TTC6: variants seen among roughly 807,000 people sequenced by gnomAD.
TTC6 encodes tetratricopeptide repeat domain 6.
Under a neutral mutation model 210.4 loss-of-function variants are expected in TTC6, and 172 were observed. That is an observed-to-expected ratio of 0.82 (90% confidence interval 0.72 to 0.93). The LOEUF is 0.93. TTC6 is among the 40% of genes least tolerant of loss of function. The pLI, the probability that TTC6 is intolerant of heterozygous loss-of-function variation, is 0.00. For missense variants in TTC6, 2,414 were observed against 2,318.1 expected, an observed-to-expected ratio of 1.04 and a Z score of -0.85; for synonymous variants, 804 against 819.6, an observed-to-expected ratio of 0.98 and a Z score of 0.32.
intron 1 of TTC6, among the ~76,000 whole-genome samples, chr14:37,651,425 ATTTTTTTTTTTTTTT>A (rs55775703): frequency 1.3e-3 from 31 of 23,906 alleles, no homozygotes; most frequent in African/African-American, 2.8e-3. Flanking sequence ...ATATATATAT[ATTTTTTTTTTTTTTT>A]TTTTTTTTTT....
chr14:37,725,748 A>C (rs991882829), intron 7 of TTC6, among the ~76,000 whole-genome samples: 1 of 152,148 alleles, frequency 6.6e-6, no homozygotes, highest in Non-Finnish European at 1.5e-5. Flanking sequence ...TTTTGAAAGA[A>C]TGTTTTATTT....
intron 10 of TTC6, among the ~76,000 whole-genome samples, chr14:37,743,859 A>C (rs950921655): frequency 6.6e-6 from 1 of 152,228 alleles, no homozygotes; most frequent in African/African-American, 2.4e-5. Context: ...GATACAGAAA[A>C]GTCAGGATAT....
chr14:37,744,013 A>T (rs1221466468), intron 10 of TTC6, among the ~76,000 whole-genome samples: 1 of 152,178 alleles, frequency 6.6e-6, no homozygotes, highest in East Asian at 1.9e-4. Flanking sequence ...GTTTAAGAAA[A>T]TGAGGTAAGT....
At chr14:37,789,114 G>A (rs765921990) in intron 15 of TTC6, among the ~76,000 whole-genome samples, 3 of 151,974 alleles carry the variant, frequency 2.0e-5, no homozygotes, top group Non-Finnish European at 2.9e-5. Context: ...CAACAAAAAA[G>A]GACTCTCAAG....
chr14:37,665,963 A>G (rs2095747172), intron 1 of TTC6, among the ~76,000 whole-genome samples: 1 of 150,692 alleles, frequency 6.6e-6, no homozygotes, highest in African/African-American at 2.4e-5. Context: ...TTCTACCTCC[A>G]AAATACAGAG....
At chr14:37,806,032 G>A (rs996141153) in intron 21 of TTC6, among the ~76,000 whole-genome samples, 1 of 152,048 alleles carries the variant, frequency 6.6e-6, no homozygotes, top group Non-Finnish European at 1.5e-5. Context: ...GCATTTGCTG[G>A]ATCCTAATGA....
intron 14 of TTC6, among the ~76,000 whole-genome samples, chr14:37,782,980 A>G (rs1000956818): frequency 1.3e-5 from 2 of 152,192 alleles, no homozygotes; most frequent in Admixed American, 1.3e-4. Flanking sequence ...GATGAAGCCC[A>G]CTTGAACATG....
chr14:37,825,982 T>C (rs541229549), intron 27 of TTC6, among the ~76,000 whole-genome samples: 1 of 152,180 alleles, frequency 6.6e-6, no homozygotes, highest in East Asian at 1.9e-4. Context: ...TTTAATTAAT[T>C]AAAATTTCAT....
At chr14:37,673,835 T>G (rs1380241104) in intron 1 of TTC6, among the ~76,000 whole-genome samples, 10 of 152,166 alleles carry the variant, frequency 6.6e-5, no homozygotes, top group Admixed American at 6.6e-4. Context: ...AACTGCTCTA[T>G]GAAACACATT....
At chr14:37,611,945 G>C (rs2095635347) in intron 2 of TTC6, among the ~76,000 whole-genome samples, 2 of 152,022 alleles carry the variant, frequency 1.3e-5, no homozygotes, top group African/African-American at 4.8e-5. Context: ...GACCCACAAT[G>C]GAACTGTTGC....
At chr14:37,700,929 C>CT (rs1348591668) in intron 4 of TTC6, among the ~76,000 whole-genome samples, 1 of 151,966 alleles carries the variant, frequency 6.6e-6, no homozygotes, top group Non-Finnish European at 1.5e-5. Context: ...TGTTCCACTT[C>CT]TTTAGGGACA....
chr14:37,624,197 C>T (rs1298398639), intron 1 of TTC6, among the ~76,000 whole-genome samples: 1 of 152,162 alleles, frequency 6.6e-6, no homozygotes, highest in African/African-American at 2.4e-5. Flanking sequence ...CAGAGTATGA[C>T]AAATGTTCTG....
chr14:37,654,675 G>A (rs375001167), intron 1 of TTC6, among the ~76,000 whole-genome samples: 3 of 152,036 alleles, frequency 2.0e-5, no homozygotes, highest in African/African-American at 4.8e-5. Flanking sequence ...TATATTAAAC[G>A]TAGCCTTAAG....
At chr14:37,676,704 A>T (rs952159308) in intron 1 of TTC6, among the ~76,000 whole-genome samples, 1 of 152,230 alleles carries the variant, frequency 6.6e-6, no homozygotes, top group African/African-American at 2.4e-5. Context: ...TAGGTCTTAC[A>T]TTCAGGTATT....
intron 7 of TTC6, among the ~76,000 whole-genome samples, chr14:37,731,877 T>A (rs946883361): frequency 1.3e-5 from 2 of 152,212 alleles, no homozygotes; most frequent in Non-Finnish European, 2.9e-5. Flanking sequence ...TGGACCTATT[T>A]AAAATTTACA....
exon 1 of TTC6, chr14:37,622,592 G>A (rs1420229829): frequency 1.3e-6 from 2 of 1,534,374 alleles, no homozygotes; most frequent in Non-Finnish European, 1.7e-6. Context: ...CGGCTCCCAG[G>A]CGGGTCTTCC....
intron 2 of TTC6, among the ~76,000 whole-genome samples, chr14:37,613,699 G>A (rs1320328710): frequency 6.6e-6 from 1 of 152,000 alleles, no homozygotes. Context: ...ATTTTGGTAA[G>A]TTGTAGTTTT....
At chr14:37,713,926 T>C (rs1035845784) in intron 5 of TTC6, among the ~76,000 whole-genome samples, 1 of 152,224 alleles carries the variant, frequency 6.6e-6, no homozygotes, top group African/African-American at 2.4e-5. Flanking sequence ...TGCTTCAATG[T>C]GAAATTGATA....
At chr14:37,651,804 A>G (rs1419334514) in intron 1 of TTC6, among the ~76,000 whole-genome samples, 2 of 151,882 alleles carry the variant, frequency 1.3e-5, no homozygotes, top group African/African-American at 4.8e-5. Context: ...CTCTAAATAT[A>G]AAAAAAAGTA....
Sources: gnomAD v4.1 joint callset for allele counts (sites outside exome capture counted in the v4.1 genomes callset) on GRCh38, gnomAD v4.1.1 for gene constraint, MANE v1.5 for transcripts, NCBI Gene and HGNC (gene_info 2026-07-23, HGNC 2026-07-21) for gene names.